RIMS1: variants seen among roughly 807,000 people sequenced by gnomAD.
RIMS1 encodes the protein regulating synaptic membrane exocytosis 1.
RIMS1 carries 83 observed loss-of-function variants against 214.1 expected under a neutral mutation model. The ratio of observed to expected loss-of-function variants is 0.39; its 90% CI spans 0.32 to 0.47. The LOEUF is 0.47. Ranked by LOEUF, RIMS1 falls within the 20% of genes least tolerant of loss-of-function variation. The pLI, the probability that RIMS1 is intolerant of heterozygous loss-of-function variation, is 0.99. For synonymous variants in RIMS1, 793 were observed against 786.8 expected (o/e 1.01, Z -0.13); for missense variants, 2,050 against 2,161.8 (o/e 0.95, Z 1.03).
In RIMS1 at chr6:72,182,140, CCCTTACAGTT is replaced by C. The variant is rs550631959; in HGVS notation, c.813-141_813-132del. On this transcript the variant is annotated intron_variant, in intron 5 of 33. Transcript: ENST00000521978. The stretch of plus-strand genomic sequence containing the variant: ...TCCCTTACCTTGTAAAATTCCAACA[CCCTTACAGTT>C]CCACCTTCAGATCCAAATCCCTATA... The C allele has an allele frequency of 2.7e-4, 221 of 825,840 alleles. 4 individuals are homozygous for C. The South Asian group carries it at 4.9e-3, about 18-fold the overall frequency. The allele number at this position is 825,840 out of a possible 1,614,324, so 51.2% of individuals were successfully genotyped here.
intron 1 of RIMS1, among the ~76,000 whole-genome samples, chr6:71,916,991 G>T (rs1375358126): frequency 6.6e-6 from 1 of 152,112 alleles, no homozygotes; most frequent in African/African-American, 2.4e-5. Flanking sequence ...TAGTATTATG[G>T]AATTGGAGGT....
chr6:71,958,029 T>C (rs1247304372), intron 1 of RIMS1, among the ~76,000 whole-genome samples: 1 of 152,162 alleles, frequency 6.6e-6, no homozygotes, highest in Non-Finnish European at 1.5e-5. Flanking sequence ...GATGTTGTTA[T>C]TTAACCTTCT....
intron 4 of RIMS1, among the ~76,000 whole-genome samples, chr6:72,146,798 T>C (rs1203246421): frequency 6.6e-6 from 1 of 152,228 alleles, no homozygotes; most frequent in Non-Finnish European, 1.5e-5. Flanking sequence ...TTACTTTCCT[T>C]ACATACCTAT....
At chr6:72,339,959 T>C (rs1300216861) in intron 29 of RIMS1, among the ~76,000 whole-genome samples, 1 of 152,102 alleles carries the variant, frequency 6.6e-6, no homozygotes, top group African/African-American at 2.4e-5. Context: ...GTTTCCTGAC[T>C]TTTTAATGAT....
intron 1 of RIMS1, among the ~76,000 whole-genome samples, chr6:71,930,564 G>A (rs1240879707): frequency 6.6e-6 from 1 of 152,010 alleles, no homozygotes; most frequent in Non-Finnish European, 1.5e-5. Flanking sequence ...TGAAGGCTAT[G>A]AGCCATGATC....
rs902617687 is a variant in RIMS1, at chr6:72,182,456, G to A, written c.985G>A (p.Asp329Asn). Residue 329 changes from aspartate to asparagine, a missense_variant, in exon 6 of 34, where the codon GAC (aspartate) becomes AAC (asparagine). Physicochemically the swap from Asp to Asn is conservative, Grantham distance 23 (BLOSUM62 1). Coordinates refer to ENST00000521978, the MANE Select transcript of RIMS1 (RefSeq NM_014989.7). ...GAAAGGGCGATCACAGGATTACCCA[G>A]ACACGCCGGAAAAACGGGATGAGGG... The part of the protein sequence containing the change: ...LEKGRSQDYP[D>N]TPEKRDEGKA... 6.2e-7 allele frequency: 1 copy of A among 1,613,598 alleles called. No homozygotes were observed. The highest frequency in any genetic ancestry group is 8.5e-7 in the Non-Finnish European group (1 of 1,179,762).
chr6:72,125,953 C>T (rs917366103), intron 4 of RIMS1, among the ~76,000 whole-genome samples: 6 of 152,196 alleles, frequency 3.9e-5, no homozygotes, highest in Non-Finnish European at 7.4e-5. Flanking sequence ...CTGGGTGAGG[C>T]GACCCCCTGC....
intron 6 of RIMS1, among the ~76,000 whole-genome samples, chr6:72,205,262 G>A (rs1258394295): frequency 6.6e-6 from 1 of 152,114 alleles, no homozygotes; most frequent in Admixed American, 6.6e-5. Context: ...ATTGCCATTA[G>A]ATTTAAGAAA....
intron 2 of RIMS1, among the ~76,000 whole-genome samples, chr6:72,019,154 C>T (rs1328606183): frequency 2.0e-5 from 3 of 151,402 alleles, no homozygotes; most frequent in African/African-American, 7.3e-5. Context: ...TATGATAACT[C>T]CAAACCCATA....
intron 2 of RIMS1, among the ~76,000 whole-genome samples, chr6:71,997,481 T>TC (rs1584483507): frequency 6.6e-6 from 1 of 152,174 alleles, no homozygotes; most frequent in East Asian, 1.9e-4. Context: ...GCTGTCCCTT[T>TC]CATTAATTTC....
intron 2 of RIMS1, among the ~76,000 whole-genome samples, chr6:72,051,489 T>C (rs1034331809): frequency 9.2e-5 from 14 of 152,300 alleles, no homozygotes; most frequent in African/African-American, 2.6e-4. Context: ...CTGGGTAATC[T>C]AGCGAGAGAG....
intron 29 of RIMS1, among the ~76,000 whole-genome samples, chr6:72,389,627 A>C (rs1201392698): frequency 6.6e-6 from 1 of 152,176 alleles, no homozygotes; most frequent in African/African-American, 2.4e-5. Flanking sequence ...TATGTATGTA[A>C]TTATGTATAT....
chr6:72,197,016 C>T (rs1024820550), intron 6 of RIMS1, among the ~76,000 whole-genome samples: 1 of 152,006 alleles, frequency 6.6e-6, no homozygotes, highest in African/African-American at 2.4e-5. Context: ...ACTAAAGGCC[C>T]AAGATTTAAA....
intron 2 of RIMS1, among the ~76,000 whole-genome samples, chr6:71,997,643 C>T (rs887028782): frequency 4.6e-5 from 7 of 152,026 alleles, no homozygotes; most frequent in Admixed American, 1.3e-4. Flanking sequence ...AAGTTAGATG[C>T]GTGTTCTATA....
chr6:72,138,064 G>A (rs2463700), intron 4 of RIMS1, among the ~76,000 whole-genome samples: 6,556 of 152,016 alleles, frequency 0.043, 145 homozygotes, highest in Middle Eastern at 0.099. Context: ...TGCAAAGATC[G>A]TATGTGAGTC....
chr6:72,211,178 G>A (rs2053745212), intron 6 of RIMS1, among the ~76,000 whole-genome samples: 1 of 152,130 alleles, frequency 6.6e-6, no homozygotes, highest in African/African-American at 2.4e-5. Context: ...CAGATTAAAA[G>A]ACAATATATT....
At chr6:72,224,730 GCTT>G (rs1409502341) in intron 6 of RIMS1, among the ~76,000 whole-genome samples, 2 of 152,086 alleles carry the variant, frequency 1.3e-5, no homozygotes, top group Non-Finnish European at 2.9e-5. Context: ...TGTTGATATT[GCTT>G]CTTTATCCTC....
At chr6:72,151,621 T>G (rs1006895437) in intron 4 of RIMS1, among the ~76,000 whole-genome samples, 1 of 152,176 alleles carries the variant, frequency 6.6e-6, no homozygotes, top group Non-Finnish European at 1.5e-5. Context: ...CAATATGGGC[T>G]CTTGTCACTA....
At chr6:72,191,715 GA>G (rs2153981643) in intron 6 of RIMS1, among the ~76,000 whole-genome samples, 1 of 152,328 alleles carries the variant, frequency 6.6e-6, no homozygotes, top group East Asian at 1.9e-4. Flanking sequence ...CAAGTACCAG[GA>G]GATGTGTTAA....
Sources: allele counts gnomAD v4.1 joint callset (sites outside exome capture counted in the v4.1 genomes callset), GRCh38; gene constraint gnomAD v4.1.1; transcripts MANE v1.5; gene names NCBI Gene and HGNC (gene_info 2026-07-23, HGNC 2026-07-21).